CGA: variants seen among roughly 807,000 people sequenced by gnomAD.
CGA encodes the protein glycoprotein hormones, alpha polypeptide.
CGA carries 4 observed loss-of-function variants against 12.0 expected under a neutral mutation model. That is an observed-to-expected ratio of 0.33 (90% CI 0.16 to 0.76). CGA has a LOEUF of 0.76. Ranked by LOEUF, CGA falls within the 30% of genes least tolerant of loss-of-function variation. The pLI is 0.60. For missense variants in CGA, 102 were observed against 143.5 expected (o/e 0.71, Z 1.48); for synonymous variants, 60 against 56.6 (o/e 1.06, Z -0.27).
rs2127753745 is a variant in CGA, at chr6:87,085,543, A to T, written c.*213T>A. On this transcript the variant is annotated 3_prime_UTR_variant, in exon 4 of 4. Coordinates refer to ENST00000627148, the MANE Select transcript of CGA (RefSeq NM_000735.4). The stretch of plus-strand genomic sequence containing the variant: ...CTTTATTTGCAGTGGAACAAGCTAA[A>T]TGCTGTATTCATTCCAAATGAAAAG... The T allele has an allele frequency of 2.0e-6, 1 of 505,302 alleles. No homozygotes were observed. Among genetic ancestry groups the T allele is most frequent in the Admixed American group, 3.4e-5 (1 of 29,772 alleles). The allele number at this position is 505,302 out of a possible 1,614,324, so 31.3% of individuals were successfully genotyped here. A position where few individuals can be genotyped will look rare whatever the true frequency, so the allele number is the denominator to read the frequency against.
At chr6:87,088,857 A>T (rs891482319) in intron 1 of CGA, 1 of 152,230 alleles carries the variant, frequency 6.6e-6, no homozygotes, top group African/African-American at 2.4e-5. Context: ...ATAAAACTAA[A>T]CATGTACTTA....
chr6:87,086,002 T>C, intron 3 of CGA, 169 bp from the exon 4 acceptor site: 1 of 670,552 alleles, frequency 1.5e-6, no homozygotes. Flanking sequence ...ACAAGTAAGC[T>C]GTACTTTCTC....
chr6:87,095,095 C>T lies in CGA; in HGVS notation c.-90G>A, dbSNP rs914324097. The T allele has an allele frequency of 6.6e-6, 1 of 152,216 alleles. No homozygotes were observed. Among genetic ancestry groups the T allele is most frequent in the Non-Finnish European group, 1.5e-5 (1 of 68,042 alleles). The allele number at this position is 152,216 out of a possible 1,614,324, so 9.4% of individuals were successfully genotyped here. A position where few individuals can be genotyped will look rare whatever the true frequency, so the allele number is the denominator to read the frequency against. ...GGATTTTAGCTTCGTCTTATGAGTT[C>T]TCAGTAACTGCAGTTAATGAAGTCC... On this transcript the variant is annotated 5_prime_UTR_variant, in exon 1 of 4. Transcript: ENST00000627148.
At chr6:87,093,815 C>T (rs935619617) in intron 1 of CGA, among the ~76,000 whole-genome samples, 1 of 152,162 alleles carries the variant, frequency 6.6e-6, no homozygotes, top group African/African-American at 2.4e-5. Flanking sequence ...ATTTTTCTCA[C>T]ACACTACCCT....
rs200412903 is a variant in CGA, at chr6:87,088,109, G to A, written c.88+4C>T. 5.9e-4 allele frequency: 938 copies of A among 1,577,580 alleles called. 2 individuals are homozygous for A. The highest frequency in any genetic ancestry group is 2.9e-4 in the Non-Finnish European group (331 of 1,158,650). On this transcript the variant is annotated splice_donor_region_variant and intron_variant, in intron 2 of 3. Transcript: ENST00000627148. ...TTACTTGAACCACAAATTTGGTCAC[G>A]CACCCTGCACATCAGGAGCGGAATG...
At chr6:87,086,796 G>GA (rs999750348) in intron 2 of CGA, among the ~76,000 whole-genome samples, 1 of 150,784 alleles carries the variant, frequency 6.6e-6, no homozygotes, top group African/African-American at 2.4e-5. Context: ...AAAAAAATAA[G>GA]AAAAAATGTG....
At chr6:87,093,110 T>C (rs2127755706) in intron 1 of CGA, among the ~76,000 whole-genome samples, 1 of 152,298 alleles carries the variant, frequency 6.6e-6, no homozygotes, top group East Asian at 1.9e-4. Flanking sequence ...TCACTTGCTT[T>C]ATTTTCTTTA....
At chr6:87,094,020 C>T (rs1769489161) in intron 1 of CGA, among the ~76,000 whole-genome samples, 1 of 151,994 alleles carries the variant, frequency 6.6e-6, no homozygotes, top group African/African-American at 2.4e-5. Context: ...ATTTGGTTGA[C>T]CAATATTATG....
Position 87,085,594 on chromosome 6 carries a change from G to T in CGA, c.*162C>A, listed in dbSNP as rs1045685516. 8 of 615,792 alleles carry T rather than the reference G, an allele frequency of 1.3e-5. No homozygotes were observed. Among genetic ancestry groups the T allele is most frequent in the Non-Finnish European group, 2.1e-5 (7 of 336,918 alleles). The allele number at this position is 615,792 out of a possible 1,614,324, so 38.1% of individuals were successfully genotyped here. ...AACTAGACTGCTGATTGTACTGTAG[G>T]ATAAGGAGGAAGGCAGTAAAGCTGC... On this transcript the variant is annotated 3_prime_UTR_variant, in exon 4 of 4. Coordinates refer to ENST00000627148, the MANE Select transcript of CGA (RefSeq NM_000735.4).
intron 1 of CGA, among the ~76,000 whole-genome samples, chr6:87,091,225 A>G (rs886845294): frequency 2.0e-5 from 3 of 152,192 alleles, no homozygotes; most frequent in African/African-American, 7.2e-5. Flanking sequence ...TTTATAATAA[A>G]GTGAAAAGAA....
chr6:87,085,920 G>T (rs1213263763), intron 3 of CGA, 87 bp from the exon 4 acceptor site: 3 of 945,926 alleles, frequency 3.2e-6, no homozygotes, highest in Non-Finnish European at 3.4e-6. Context: ...ACATAAAATT[G>T]TTTGCATTCT....
At chr6:87,093,711 T>C (rs1209099949) in intron 1 of CGA, among the ~76,000 whole-genome samples, 1 of 152,224 alleles carries the variant, frequency 6.6e-6, no homozygotes, top group Non-Finnish European at 1.5e-5. Context: ...AGCTCTTACT[T>C]TGAGTTTTCA....
At chr6:87,090,637 A>ATTTTTTTTTTTTTTTTTTTTTTTTT (rs147883019) in intron 1 of CGA, among the ~76,000 whole-genome samples, 2 of 124,836 alleles carry the variant, frequency 1.6e-5, no homozygotes, top group Non-Finnish European at 3.4e-5. Context: ...CTCTTCAATA[A>ATTTTTTTTTTTTTTTTTTTTTTTTT]TTTTTTTTTT....
intron 2 of CGA, 120 bp from the exon 3 acceptor site, chr6:87,086,554 A>G: frequency 1.1e-6 from 1 of 895,522 alleles, no homozygotes; most frequent in Non-Finnish European, 1.7e-6. Context: ...TAGTGGGTGG[A>G]TTGCTTGAGC....
chr6:87,091,825 T>C (rs1035752127), intron 1 of CGA, among the ~76,000 whole-genome samples: 1 of 152,214 alleles, frequency 6.6e-6, no homozygotes, highest in Non-Finnish European at 1.5e-5. Context: ...CACTTATCAC[T>C]TGGCTTATAA....
Position 87,085,779 on chromosome 6 carries a change from T to C in CGA, c.328A>G (p.Thr110Ala). Residue 110 changes from threonine to alanine, a missense_variant, in exon 4 of 4, where the codon ACT (threonine) becomes GCT (alanine). Thr to Ala is a moderately conservative substitution (Grantham distance 58). Transcript: ENST00000627148. Reference protein sequence around the residue: ...VENHTACHCSTCYYHKS With the variant: ...VENHTACHCSACYYHKS ...ATTTAAGATTTGTGATAATAACAAG[T>C]ACTGCAGTGGCACGCCGTGTGGTTC... 6.2e-7 allele frequency: 1 copy of C among 1,612,266 alleles called. No individual in the cohort carries two copies. Among genetic ancestry groups the C allele is most frequent in the Non-Finnish European group, 8.5e-7 (1 of 1,178,544 alleles).
At chr6:87,094,975 T>A (rs1156525680) in intron 1 of CGA, 38 bp downstream of exon 1, 3 of 152,256 alleles carry the variant, frequency 2.0e-5, no homozygotes, top group Non-Finnish European at 4.4e-5. Context: ...ATTTTACTCC[T>A]CAATTAAAGT....
At chr6:87,092,507 C>T (rs9444471) in intron 1 of CGA, among the ~76,000 whole-genome samples, 98,814 of 149,648 alleles carry the variant, frequency 0.66, 33,486 homozygotes, top group African/African-American at 0.82. Context: ...TGAGAAACCC[C>T]GTCTTGAAAA....
intron 1 of CGA, among the ~76,000 whole-genome samples, chr6:87,094,373 C>G (rs552756537): frequency 1.3e-5 from 2 of 152,322 alleles, no homozygotes; most frequent in South Asian, 2.1e-4. Flanking sequence ...TTTCCAGAAA[C>G]TCATTGGAAC....
Sources: gnomAD v4.1 joint callset for allele counts (sites outside exome capture counted in the v4.1 genomes callset) on GRCh38, gnomAD v4.1.1 for gene constraint, MANE v1.5 for transcripts, NCBI Gene and HGNC (gene_info 2026-07-23, HGNC 2026-07-21) for gene names.